SYNE2: variants seen among roughly 807,000 people sequenced by gnomAD.
SYNE2 encodes the protein nesprin-2.
In SYNE2, 431 loss-of-function variants were observed where a neutral mutation model predicts 856.3. That is an observed-to-expected ratio of 0.50 (90% CI 0.47 to 0.55). The LOEUF is 0.55. Ranked by LOEUF, SYNE2 falls within the 20% of genes least tolerant of loss-of-function variation. SYNE2 has a pLI of 0.00. For synonymous variants in SYNE2, 2,923 were observed against 2,872.3 expected (o/e 1.02, Z -0.56); for missense variants, 8,129 against 8,023.2 (o/e 1.01, Z -0.50).
intron 6 of SYNE2, among the ~76,000 whole-genome samples, chr14:63,948,782 G>GTGTGTATATA (rs1454688156): frequency 6.8e-5 from 3 of 43,906 alleles, no homozygotes; most frequent in Admixed American, 2.8e-4. Flanking sequence ...ATGTGTGTGT[G>GTGTGTATATA]TATATATATA....
intron 34 of SYNE2, 28 bp from the exon 35 acceptor site, chr14:64,019,964 C>T (rs759996663): frequency 7.7e-6 from 11 of 1,432,420 alleles, no homozygotes; most frequent in Non-Finnish European, 1.1e-5. Context: ...AATAAAAAGA[C>T]ACTATCCTTT....
At position 64,025,265 on chromosome 14, in the gene SYNE2, C is replaced by T. The variant is rs374097374; in HGVS notation, c.6096C>T (p.Ile2032=). The T allele has an allele frequency of 7.1e-5, 115 of 1,613,866 alleles. No individual in the cohort carries two copies. In the African/African-American group the frequency reaches 1.1e-3, roughly 15 times the overall value. The change falls in exon 41 of 116, where the codon ATC becomes ATT. Residue 2032 remains isoleucine (I), a synonymous_variant. Transcript: ENST00000555002. ...YQTLLRQLSE[I]EEEDKLLPTE... ...CATTACTGAGACAACTAAGTGAAAT[C>T]GAGGAAGAGGATAAGTTACTACCCA...
Position 64,223,281 on chromosome 14 carries a change from CTG to C in SYNE2, c.20285_20286del (p.Cys6762TyrfsTer2). On this transcript the variant is annotated frameshift_variant, in exon 113 of 116. Coordinates refer to ENST00000555002, the MANE Select transcript of SYNE2 (RefSeq NM_182914.3). LOFTEE classifies it high-confidence loss of function. ...TTCTCATTAAGGGACATGGAGAAGA[CTG>C]TATTGAAGCTGAAGAAAAGGTGCAT... ...SLLIKGHGEDCIEAEEKVHVI... is the reference protein window; with the variant it reads ...SLLIKGHGEDXIEAEEKVHVI... The C allele has an allele frequency of 1.2e-6, 2 of 1,614,210 alleles. No individual in the cohort carries two copies. Among genetic ancestry groups the C allele is most frequent in the South Asian group, 1.1e-5 (1 of 91,082 alleles).
intron 96 of SYNE2, among the ~76,000 whole-genome samples, chr14:64,182,655 A>G (rs1415678155): frequency 6.6e-6 from 1 of 152,210 alleles, no homozygotes; most frequent in African/African-American, 2.4e-5. Flanking sequence ...CCCTTAATCC[A>G]TTTAATCCTG....
Position 64,162,227 on chromosome 14 carries a change from C to T in SYNE2, c.16250C>T (p.Ser5417Phe), listed in dbSNP as rs775896245. The change falls in exon 88 of 116, where the codon TCT becomes TTT. Residue 5417 changes from serine to phenylalanine, a missense_variant. Transcript: ENST00000555002. ...CAACAGCTCGCAAACATCAGCATGT[C>T]TGGAAACAACCTGGCAGAGATCCTG... ...KFQQLANISMSGNNLAEILPP... is the reference protein window; with the variant it reads ...KFQQLANISMFGNNLAEILPP... 2 of 1,614,218 alleles carry T rather than the reference C, an allele frequency of 1.2e-6. No individual in the cohort carries two copies. Among genetic ancestry groups the T allele is most frequent in the Admixed American group, 3.3e-5 (2 of 60,026 alleles).
chr14:63,918,403 ACTG>A (rs147109249), intron 2 of SYNE2, among the ~76,000 whole-genome samples: 2,151 of 152,322 alleles, frequency 0.014, 49 homozygotes, highest in African/African-American at 0.049. Context: ...GTAAAAGGTA[ACTG>A]CATTTCTGTT....
At chr14:63,813,883 C>A (rs902800403) in intron 1 of SYNE2, among the ~76,000 whole-genome samples, 4 of 152,160 alleles carry the variant, frequency 2.6e-5, no homozygotes, top group African/African-American at 9.7e-5. Flanking sequence ...GAAACCACGC[C>A]TCTACTAAAA....
In SYNE2 at chr14:63,836,557, A is replaced by G. The variant is rs541637899; in HGVS notation, c.-304-15944A>G. Among the ~76,000 whole-genome samples the G allele has an allele frequency of 1.6e-4, 25 of 152,292 alleles. No homozygotes were observed. In the South Asian group the frequency reaches 5.2e-3, roughly 32 times the overall value. On this transcript the variant is annotated intron_variant, in intron 1 of 23. Coordinates refer to the SYNE2 transcript ENST00000674003. ...ATTTTCTTTTCATTCTAATACCTAT[A>G]GCACCTACTTGATTCCTTTCCTTCA...
intron 93 of SYNE2, 70 bp from the exon 94 acceptor site, chr14:64,170,158 T>C: frequency 7.0e-7 from 1 of 1,433,304 alleles, no homozygotes; most frequent in Non-Finnish European, 9.8e-7. Flanking sequence ...TCTGAGCTGC[T>C]ATTACCCACT....
chr14:64,086,660 TA>T (rs1177384347), intron 57 of SYNE2, among the ~76,000 whole-genome samples: 2 of 151,592 alleles, frequency 1.3e-5, no homozygotes, highest in Non-Finnish European at 2.9e-5. Flanking sequence ...TCTAGGGATT[TA>T]ATTTTTCTCA....
intron 19 of SYNE2, among the ~76,000 whole-genome samples, chr14:63,987,335 A>G (rs2096634378): frequency 6.6e-6 from 1 of 151,992 alleles, no homozygotes; most frequent in African/African-American, 2.4e-5. Flanking sequence ...TCCTTACTCA[A>G]TGCAGGGAGA....
At chr14:63,812,458 A>G (rs973614956) in intron 1 of SYNE2, among the ~76,000 whole-genome samples, 2 of 152,188 alleles carry the variant, frequency 1.3e-5, no homozygotes, top group Non-Finnish European at 2.9e-5. Flanking sequence ...CAATTTTTAC[A>G]GTTTAACACA....
chr14:64,051,527 T>C, intron 47 of SYNE2, 30 bp from the exon 48 acceptor site: 1 of 1,583,102 alleles, frequency 6.3e-7, no homozygotes, highest in South Asian at 1.2e-5. Flanking sequence ...CATTAAATAT[T>C]AACAAGCTCT....
At position 64,163,396 on chromosome 14, in the gene SYNE2, C is replaced by T. The variant is rs1409396284; in HGVS notation, c.16300-6C>T. The T allele has an allele frequency of 2.5e-6, 4 of 1,613,718 alleles. No individual in the cohort carries two copies. Among genetic ancestry groups the T allele is most frequent in the Middle Eastern group, 1.7e-4 (1 of 5,744 alleles). ...GAGGTGTTTGCCATCCCTTTTTCTTCTGCAGGAGCTGCAGCATGATGTGCA... is the reference window on the plus strand; with the variant it reads ...GAGGTGTTTGCCATCCCTTTTTCTTTTGCAGGAGCTGCAGCATGATGTGCA... On this transcript the variant is annotated splice_region_variant and splice_polypyrimidine_tract_variant and intron_variant, in intron 88 of 115. Transcript: ENST00000555002.
chr14:64,053,556 CAAAG>C lies in SYNE2; in HGVS notation c.9645_9648del (p.Arg3216LysfsTer35), dbSNP rs755792887. ...TAAAGCTGTGACTGCTATTGAGAAACAAAGAGAAGAAAACTCTTCTGAAGCGAGT... is the reference window on the plus strand; with the variant it reads ...TAAAGCTGTGACTGCTATTGAGAAACAGAAGAAAACTCTTCTGAAGCGAGT... On this transcript the variant is annotated frameshift_variant, in exon 48 of 116. Transcript: ENST00000555002. LOFTEE classifies it high-confidence loss of function. The C allele has an allele frequency of 5.0e-6, 8 of 1,614,088 alleles. No homozygotes were observed. Among genetic ancestry groups the C allele is most frequent in the Non-Finnish European group, 6.8e-6 (8 of 1,180,042 alleles).
rs768272629 is a variant in SYNE2 at position 64,090,940 on chromosome 14, G to A, written c.11868G>A (p.Leu3956=). 1.2e-6 allele frequency: 2 copies of A among 1,614,128 alleles called. No individual in the cohort carries two copies. The highest frequency in any genetic ancestry group is 8.5e-7 in the Non-Finnish European group (1 of 1,180,012). ...EIVSYQVELR[L]PQTGMKPLPV... ...TGTCTTACCAAGTGGAACTGAGGTT[G>A]CCCCAAACAGGAATGAAACCTCTGC... Residue 3956 remains leucine, a synonymous_variant, in exon 60 of 116, where the codon TTG becomes TTA. Coordinates refer to ENST00000555002, the MANE Select transcript of SYNE2 (RefSeq NM_182914.3).
At chr14:64,171,591 GGAAAGAGCCTTTCA>G (rs1304322213) in intron 94 of SYNE2, among the ~76,000 whole-genome samples, 2 of 152,164 alleles carry the variant, frequency 1.3e-5, no homozygotes, top group Non-Finnish European at 2.9e-5. Context: ...CAAGATCTAA[GGAAAGAGCCTTTCA>G]GACTGAAGGA....
chr14:64,140,142 G>T, intron 80 of SYNE2, 69 bp downstream of exon 80: 1 of 1,492,024 alleles, frequency 6.7e-7, no homozygotes, highest in Non-Finnish European at 9.3e-7. Context: ...AAGCATCAGG[G>T]TTGATGTGAT....
At chr14:63,808,574 A>G (rs1888480094) in intron 1 of SYNE2, 1 of 152,670 alleles carries the variant, frequency 6.6e-6, no homozygotes. Context: ...CGGCATATCA[A>G]GCGAGCCTGG....
Sources: allele counts gnomAD v4.1 joint callset (sites outside exome capture counted in the v4.1 genomes callset), GRCh38; gene constraint gnomAD v4.1.1; transcripts MANE v1.5; gene names NCBI Gene and HGNC (gene_info 2026-07-23, HGNC 2026-07-21).